Variants in ANKDD1B observed in about 807,000 individuals in gnomAD.
ANKDD1B encodes the protein ankyrin repeat and death domain-containing protein 1B.
ANKDD1B carries 57 observed loss-of-function variants against 59.7 expected under a neutral mutation model. That is an observed-to-expected ratio of 0.95 (90% CI 0.77 to 1.19). The LOEUF is 1.19. ANKDD1B is among the 50% of genes most tolerant of loss of function. The pLI is 0.00. For missense variants in ANKDD1B, 602 were observed against 641.9 expected (o/e 0.94, Z 0.67); for synonymous variants, 216 against 239.5 (o/e 0.90, Z 0.91).
chr5:75,637,084 A>G (rs983147459), intron 7 of ANKDD1B, among the ~76,000 whole-genome samples: 4 of 151,566 alleles, frequency 2.6e-5, no homozygotes, highest in Admixed American at 6.6e-5. Flanking sequence ...CGTCTCTACT[A>G]AAAATACAAA....
At chr5:75,630,619 A>C (rs1774125685) in intron 5 of ANKDD1B, among the ~76,000 whole-genome samples, 1 of 152,270 alleles carries the variant, frequency 6.6e-6, no homozygotes, top group African/African-American at 2.4e-5. Context: ...TGCCATTTTA[A>C]AGTTGAACAG....
rs1775495689 is a variant in ANKDD1B, at chr5:75,671,838, TGA to T, written c.*800_*801del. ...AAGAGTTATGAAATAAATGTAAAAT[TGA>T]GTGTCAGTTTATGTGCACCTATTCA... On this transcript the variant is annotated 3_prime_UTR_variant, in exon 14 of 14. Transcript: ENST00000601380. 8.4e-6 allele frequency: 1 copy of T among 118,486 alleles called. No individual in the cohort carries two copies. Among genetic ancestry groups the T allele is most frequent in the Non-Finnish European group, 2.0e-5 (1 of 50,326 alleles). The allele number at this position is 118,486 out of a possible 1,614,324, so 7.3% of individuals were successfully genotyped here.
At chr5:75,611,899 C>T (rs1158172821) in intron 1 of ANKDD1B, 72 bp downstream of exon 1, 2 of 1,172,368 alleles carry the variant, frequency 1.7e-6, no homozygotes, top group African/African-American at 1.6e-5. Context: ...TGAGAAGGTA[C>T]CCAGAGCAGC....
chr5:75,669,450 TATC>T (rs1422517925), intron 13 of ANKDD1B, 67 bp downstream of exon 13: 87 of 1,209,686 alleles, frequency 7.2e-5, no homozygotes, highest in Non-Finnish European at 8.4e-5. Context: ...TCTACAGAAA[TATC>T]ATCCTGACCA....
At position 75,671,266 on chromosome 5, in the gene ANKDD1B, T is replaced by G. The variant is rs560543077; in HGVS notation, c.*226T>G. 1.8e-5 allele frequency: 6 copies of G among 331,730 alleles called. No homozygotes were observed. In the Admixed American group the frequency reaches 2.9e-4, roughly 16 times the overall value. The allele number at this position is 331,730 out of a possible 1,614,324, so 20.5% of individuals were successfully genotyped here. A position where few individuals can be genotyped will look rare whatever the true frequency, so the allele number is the denominator to read the frequency against. On this transcript the variant is annotated 3_prime_UTR_variant, in exon 14 of 14. Transcript: ENST00000601380. ...GTTGTATGTGATTTTCCCATTTCTA[T>G]CAATCATTTGATGTAATCCATGTAA...
At chr5:75,666,562 T>C (rs1775310195) in intron 11 of ANKDD1B, among the ~76,000 whole-genome samples, 1 of 151,972 alleles carries the variant, frequency 6.6e-6, no homozygotes, top group Admixed American at 6.6e-5. Context: ...GCAAAATCCC[T>C]CACATTTCCT....
At chr5:75,611,919 C>T in intron 1 of ANKDD1B, 92 bp downstream of exon 1, 1 of 1,061,836 alleles carries the variant, frequency 9.4e-7, no homozygotes, top group African/African-American at 1.9e-5. Flanking sequence ...CACCTCCGGA[C>T]GCTGCAGGAG....
At chr5:75,652,589 A>G (rs1774861228) in intron 7 of ANKDD1B, among the ~76,000 whole-genome samples, 1 of 152,172 alleles carries the variant, frequency 6.6e-6, no homozygotes, top group African/African-American at 2.4e-5. Context: ...CTGGGACCAC[A>G]GGGACACACC....
chr5:75,662,886 G>A (rs1479624651), intron 10 of ANKDD1B, among the ~76,000 whole-genome samples: 1 of 151,912 alleles, frequency 6.6e-6, no homozygotes, highest in Non-Finnish European at 1.5e-5. Flanking sequence ...AATTACCAGG[G>A]TTGCCATTAT....
chr5:75,637,009 G>A (rs1338574615), intron 7 of ANKDD1B, among the ~76,000 whole-genome samples: 2 of 151,934 alleles, frequency 1.3e-5, no homozygotes, highest in African/African-American at 4.8e-5. Context: ...CAGTTTGGGC[G>A]GCCGAGGTAG....
At chr5:75,655,307 G>A (rs1774940097) in intron 8 of ANKDD1B, among the ~76,000 whole-genome samples, 1 of 152,224 alleles carries the variant, frequency 6.6e-6, no homozygotes. Flanking sequence ...GCAGGCTGCA[G>A]AGGGCTTGGT....
chr5:75,628,471 G>T (rs1031873413), intron 5 of ANKDD1B, among the ~76,000 whole-genome samples: 2 of 152,156 alleles, frequency 1.3e-5, no homozygotes, highest in East Asian at 1.9e-4. Flanking sequence ...TTACTGCTGG[G>T]TTTCCCATTT....
At chr5:75,635,178 G>T (rs569879717) in intron 6 of ANKDD1B, 182 bp downstream of exon 6, 1 of 480,250 alleles carries the variant, frequency 2.1e-6, no homozygotes. Flanking sequence ...CTGTTGCTCT[G>T]GGTTGTCCAG....
chr5:75,617,149 C>A lies in ANKDD1B; in HGVS notation c.297+242C>A, dbSNP rs141142464. 2.0e-3 allele frequency among the ~76,000 whole-genome samples: 299 copies of A among 152,228 alleles called. 2 individuals carry two copies. The highest frequency in any genetic ancestry group is 6.3e-3 in the African/African-American group (260 of 41,538). On this transcript the variant is annotated intron_variant, in intron 2 of 13. Transcript: ENST00000601380. ...CACAGAATCTTCATGCCTATCTGTT[C>A]AAAGTCTGTGGGTGGGCAGTAAAGC...
intron 9 of ANKDD1B, among the ~76,000 whole-genome samples, chr5:75,657,850 C>T (rs1206244535): frequency 1.3e-5 from 2 of 150,634 alleles, no homozygotes; most frequent in East Asian, 1.9e-4. Context: ...GAGCTGAGAT[C>T]GCCACCACTG....
chr5:75,648,482 GC>G (rs1489534249), intron 7 of ANKDD1B, among the ~76,000 whole-genome samples: 4 of 151,886 alleles, frequency 2.6e-5, no homozygotes, highest in African/African-American at 9.7e-5. Context: ...TAATTATTTT[GC>G]CCTTAAGTAT....
chr5:75,640,207 T>C (rs7713368), intron 7 of ANKDD1B, among the ~76,000 whole-genome samples: 1,588 of 152,082 alleles, frequency 0.01, 32 homozygotes, highest in African/African-American at 0.036. Context: ...CCATACTCGG[T>C]TAATTTTTTA....
chr5:75,621,301 G>A (rs1773842662), intron 3 of ANKDD1B, among the ~76,000 whole-genome samples: 2 of 152,122 alleles, frequency 1.3e-5, no homozygotes, highest in South Asian at 2.1e-4. Context: ...TGTGCCCAGG[G>A]CACAGTTCCA....
Position 75,669,337 on chromosome 5 carries a change from G to C in ANKDD1B, c.1479G>C (p.Lys493Asn). The C allele has an allele frequency of 8.1e-7, 1 of 1,232,120 alleles. No individual in the cohort carries two copies. The highest frequency in any genetic ancestry group is 4.1e-5 in the South Asian group (1 of 24,310). The allele number at this position is 1,232,120 out of a possible 1,614,324, so 76.3% of individuals were successfully genotyped here. Residue 493 changes from lysine to asparagine, a missense_variant, in exon 13 of 14, where the codon AAG (lysine) becomes AAC (asparagine). By Grantham distance (94) the Lys-to-Asn change is moderately conservative. Transcript: ENST00000601380. ...TGATGACTCAGGGTGACCCGGCCAA[G>C]CAACTGTATGAAGAGCTGGTACACG... ...GTLMTQGDPAKQLYEELVHAG... is the reference protein window; with the variant it reads ...GTLMTQGDPANQLYEELVHAG...
Sources: allele counts gnomAD v4.1 joint callset (sites outside exome capture counted in the v4.1 genomes callset), GRCh38; gene constraint gnomAD v4.1.1; transcripts MANE v1.5; gene names NCBI Gene and HGNC (gene_info 2026-07-23, HGNC 2026-07-21).